Variants in SPAG16 observed in about 807,000 individuals in gnomAD.
The protein encoded by SPAG16 is sperm-associated antigen 16 protein.
In SPAG16, 86 loss-of-function variants were observed where a neutral mutation model predicts 80.4. That is an observed-to-expected ratio of 1.07 (90% CI 0.90 to 1.28). The LOEUF is 1.28. Among genes scored for constraint, SPAG16 ranks in the 50% most tolerant of loss-of-function variants. SPAG16 has a pLI of 0.00. For synonymous variants in SPAG16, 294 were observed against 265.9 expected (o/e 1.11, Z -1.03); for missense variants, 870 against 765.3 (o/e 1.14, Z -1.61).
At chr2:213,613,360 GA>G (rs2061498169) in intron 10 of SPAG16, among the ~76,000 whole-genome samples, 1 of 152,122 alleles carries the variant, frequency 6.6e-6, no homozygotes, top group South Asian at 2.1e-4. Context: ...GACCTTACAT[GA>G]CTTGGAGCCC....
intron 15 of SPAG16, among the ~76,000 whole-genome samples, chr2:214,260,533 C>T (rs549010941): frequency 1.5e-4 from 18 of 122,704 alleles, no homozygotes; most frequent in African/African-American, 4.2e-4. Context: ...CACTGGCATC[C>T]ATTAAAAGTC....
intron 15 of SPAG16, among the ~76,000 whole-genome samples, chr2:214,191,174 A>G (rs2057650445): frequency 6.6e-6 from 1 of 152,062 alleles, no homozygotes. Flanking sequence ...TAGGACAGAG[A>G]CCACCTAGCA....
intron 11 of SPAG16, among the ~76,000 whole-genome samples, chr2:213,899,499 C>T (rs745833130): frequency 4.0e-5 from 6 of 151,794 alleles, no homozygotes; most frequent in South Asian, 2.1e-4. Context: ...ATGAGAGATC[C>T]GTGATTAGAT....
At chr2:214,347,124 C>T (rs1180364185) in intron 15 of SPAG16, among the ~76,000 whole-genome samples, 2 of 152,130 alleles carry the variant, frequency 1.3e-5, no homozygotes, top group Non-Finnish European at 2.9e-5. Flanking sequence ...AATGAGTACA[C>T]TGTTATTGGT....
intron 11 of SPAG16, among the ~76,000 whole-genome samples, chr2:213,918,464 A>G (rs553977974): frequency 6.6e-6 from 1 of 152,190 alleles, no homozygotes; most frequent in African/African-American, 2.4e-5. Flanking sequence ...TCTCATCTTG[A>G]ATTATAGCTC....
intron 12 of SPAG16, among the ~76,000 whole-genome samples, chr2:213,983,031 T>C (rs375152904): frequency 2.6e-5 from 4 of 152,128 alleles, no homozygotes; most frequent in East Asian, 1.9e-4. Flanking sequence ...AATCACATTG[T>C]CTTCCATATA....
intron 10 of SPAG16, among the ~76,000 whole-genome samples, chr2:213,657,626 GTTCT>G (rs2063268811): frequency 6.6e-6 from 1 of 152,108 alleles, no homozygotes; most frequent in South Asian, 2.1e-4. Context: ...TCAGCAGTGT[GTTCT>G]TTCTTACACA....
intron 12 of SPAG16, among the ~76,000 whole-genome samples, chr2:213,934,987 G>C (rs531436509): frequency 6.2e-4 from 94 of 152,070 alleles, no homozygotes; most frequent in Non-Finnish European, 1.2e-3. Context: ...CCGATCACGA[G>C]GTCAGGAGAT....
intron 13 of SPAG16, among the ~76,000 whole-genome samples, chr2:214,106,289 C>T (rs2053380423): frequency 6.6e-6 from 1 of 151,948 alleles, no homozygotes; most frequent in Middle Eastern, 3.2e-3. Context: ...TATGCTTTGC[C>T]TTTTTGGCTT....
At chr2:214,335,138 G>C (rs1327431495) in intron 15 of SPAG16, among the ~76,000 whole-genome samples, 3 of 152,134 alleles carry the variant, frequency 2.0e-5, no homozygotes, top group African/African-American at 7.2e-5. Context: ...CTTCATAACT[G>C]TTCCAGATCA....
intron 9 of SPAG16, among the ~76,000 whole-genome samples, chr2:213,452,399 T>C (rs1245481068): frequency 2.0e-5 from 3 of 152,152 alleles, no homozygotes; most frequent in African/African-American, 7.2e-5. Flanking sequence ...CTCCTCTACA[T>C]CCCTCACTCT....
chr2:214,313,474 T>C (rs1019090624), intron 15 of SPAG16, among the ~76,000 whole-genome samples: 8 of 152,156 alleles, frequency 5.3e-5, no homozygotes, highest in Non-Finnish European at 1.2e-4. Flanking sequence ...TGCCATTTCA[T>C]TTTTAGTAAA....
intron 10 of SPAG16, among the ~76,000 whole-genome samples, chr2:213,515,823 T>C (rs73988534): frequency 0.084 from 12,837 of 152,182 alleles, 1,339 homozygotes; most frequent in African/African-American, 0.25. Flanking sequence ...AGATCTGTTC[T>C]TCATTTCCTG....
intron 15 of SPAG16, among the ~76,000 whole-genome samples, chr2:214,385,575 G>A (rs1700703643): frequency 6.6e-6 from 1 of 152,190 alleles, no homozygotes; most frequent in African/African-American, 2.4e-5. Context: ...CGGGCACAGT[G>A]GCTTACACCT....
chr2:214,265,885 A>C (rs903306948), intron 15 of SPAG16, among the ~76,000 whole-genome samples: 1 of 151,936 alleles, frequency 6.6e-6, no homozygotes, highest in Admixed American at 6.6e-5. Context: ...CCTCCCAACC[A>C]ATCACTGTTT....
intron 9 of SPAG16, among the ~76,000 whole-genome samples, chr2:213,381,676 T>C (rs2067178847): frequency 6.6e-6 from 1 of 152,190 alleles, no homozygotes; most frequent in African/African-American, 2.4e-5. Context: ...TTGCAGTGGA[T>C]TTTTTAAAAT....
chr2:213,448,377 T>C (rs1171814347), intron 9 of SPAG16, among the ~76,000 whole-genome samples: 3 of 152,236 alleles, frequency 2.0e-5, no homozygotes, highest in Admixed American at 1.3e-4. Flanking sequence ...CATTTATCCA[T>C]TGTGCCTGGA....
At chr2:214,379,015 C>G (rs937852884) in intron 15 of SPAG16, among the ~76,000 whole-genome samples, 4 of 152,200 alleles carry the variant, frequency 2.6e-5, no homozygotes, top group African/African-American at 4.8e-5. Context: ...CTTGGCTCAT[C>G]ATACCACCGT....
chr2:214,218,111 A>G (rs1188424721), intron 15 of SPAG16, among the ~76,000 whole-genome samples: 1 of 152,184 alleles, frequency 6.6e-6, no homozygotes, highest in African/African-American at 2.4e-5. Flanking sequence ...GAATGATAGC[A>G]TTGTTTTACA....
Sources: gnomAD v4.1 joint callset for allele counts (sites outside exome capture counted in the v4.1 genomes callset) on GRCh38, gnomAD v4.1.1 for gene constraint, MANE v1.5 for transcripts, NCBI Gene and HGNC (gene_info 2026-07-23, HGNC 2026-07-21) for gene names.